The following CPA6 variants were observed in gnomAD, a reference collection of about 807,000 sequenced individuals.
CPA6 encodes carboxypeptidase A6.
Under a neutral mutation model 63.3 loss-of-function variants are expected in CPA6, and 58 were observed. That is an observed-to-expected ratio of 0.92 (90% confidence interval 0.74 to 1.14). The LOEUF (loss-of-function observed/expected upper bound fraction) is 1.14, where lower values mean the gene tolerates loss of function less well. Among genes scored for constraint, CPA6 ranks in the 50% most tolerant of loss-of-function variants. The probability of loss-of-function intolerance (pLI) is 0.00; values close to 1 mark genes in which losing one functional copy is unlikely to be tolerated. For missense variants in CPA6, 565 were observed against 526.6 expected, an observed-to-expected ratio of 1.07 and a Z score of -0.71; for synonymous variants, 185 against 179.0, an observed-to-expected ratio of 1.03 and a Z score of -0.27.
At chr8:67,523,280 G>A (rs1007383474) in intron 2 of CPA6, among the ~76,000 whole-genome samples, 7 of 152,192 alleles carry the variant, frequency 4.6e-5, no homozygotes. Flanking sequence ...CATAATCCCA[G>A]CACTTTGGGA....
intron 6 of CPA6, among the ~76,000 whole-genome samples, chr8:67,502,607 T>C (rs1198866707): frequency 6.6e-6 from 1 of 152,252 alleles, no homozygotes; most frequent in African/African-American, 2.4e-5. Flanking sequence ...TTCTAACATA[T>C]ACCTTTAGTG....
chr8:67,627,436 T>TTTTG lies in CPA6; in HGVS notation c.117-3189_117-3186dup, dbSNP rs201469732. On this transcript the variant is annotated intron_variant, in intron 1 of 10. Transcript: ENST00000297770. ...GCTTTTCCTTATAACTTATCAGGTT[T>TTTTG]TTTGTTTGTTTGTTTGTTTGTTTTT... Among the ~76,000 whole-genome samples, 150 of 152,248 alleles carry TTTTG rather than the reference T, an allele frequency of 9.9e-4. 4 individuals carry two copies. In the East Asian group the frequency reaches 0.023, roughly 24 times the overall value.
At chr8:67,433,191 C>A (rs142840471) in intron 9 of CPA6, among the ~76,000 whole-genome samples, 4 of 152,234 alleles carry the variant, frequency 2.6e-5, no homozygotes, top group Non-Finnish European at 5.9e-5. Flanking sequence ...ATGTAACCAC[C>A]ATCCAGGTCA....
chr8:67,506,639 T>G, intron 6 of CPA6, 148 bp downstream of exon 6: 2 of 609,118 alleles, frequency 3.3e-6, no homozygotes, highest in Non-Finnish European at 6.0e-6. Context: ...GAGAACTTCA[T>G]AAACATGAAA....
At chr8:67,523,732 A>C (rs1350661397) in intron 2 of CPA6, among the ~76,000 whole-genome samples, 2 of 152,206 alleles carry the variant, frequency 1.3e-5, no homozygotes, top group Non-Finnish European at 2.9e-5. Flanking sequence ...CCTATCTTTT[A>C]GCCCAGGGCT....
rs567786092 is a variant in CPA6 at position 67,519,986 on chromosome 8, C to G, written c.193-1939G>C. 1.0e-3 allele frequency among the ~76,000 whole-genome samples: 156 copies of G among 151,656 alleles called. 1 individual carries two copies. Among genetic ancestry groups the G allele is most frequent in the African/African-American group, 3.1e-3 (129 of 41,364 alleles). On this transcript the variant is annotated intron_variant, in intron 2 of 10. Coordinates refer to ENST00000297770, the MANE Select transcript of CPA6 (RefSeq NM_020361.5). ...CAGTGAGGAATAGCTGGTTTCTTGC[C>G]TTTATAAGAAAAAGCATGTTGGTAT... is the stretch of plus-strand genomic sequence containing the variant.
intron 1 of CPA6, among the ~76,000 whole-genome samples, chr8:67,656,001 T>C (rs1468638903): frequency 1.3e-5 from 2 of 152,164 alleles, no homozygotes; most frequent in Non-Finnish European, 1.5e-5. Context: ...CCAGGAGGCT[T>C]ATGGGCTTTA....
chr8:67,739,428 A>G (rs1817872418), intron 1 of CPA6, among the ~76,000 whole-genome samples: 1 of 152,216 alleles, frequency 6.6e-6, no homozygotes, highest in African/African-American at 2.4e-5. Flanking sequence ...GGCACTGGAG[A>G]ACTATTCCAT....
intron 6 of CPA6, among the ~76,000 whole-genome samples, chr8:67,492,558 A>G (rs1350379543): frequency 6.6e-6 from 1 of 151,698 alleles, no homozygotes; most frequent in Non-Finnish European, 1.5e-5. Context: ...TATTAGTTTT[A>G]CTACTTAAAA....
intron 1 of CPA6, among the ~76,000 whole-genome samples, chr8:67,647,720 G>A (rs922750892): frequency 6.6e-6 from 1 of 152,148 alleles, no homozygotes; most frequent in Middle Eastern, 3.2e-3. Flanking sequence ...CTTTCTCTGA[G>A]TTTTCAATAA....
intron 2 of CPA6, among the ~76,000 whole-genome samples, chr8:67,561,645 A>C (rs1813215443): frequency 6.6e-6 from 1 of 152,174 alleles, no homozygotes; most frequent in Non-Finnish European, 1.5e-5. Context: ...TGCTTTTACT[A>C]TAAAGGCCAT....
intron 1 of CPA6, among the ~76,000 whole-genome samples, chr8:67,698,292 A>G (rs531058790): frequency 6.6e-6 from 1 of 152,184 alleles, no homozygotes; most frequent in Admixed American, 6.5e-5. Flanking sequence ...ACCAGAAATG[A>G]TGATTTCATA....
chr8:67,514,257 C>G lies in CPA6; in HGVS notation c.318-2602G>C, dbSNP rs76631265. 2.8e-3 allele frequency among the ~76,000 whole-genome samples: 426 copies of G among 152,100 alleles called. 3 individuals are homozygous for G. Among genetic ancestry groups the G allele is most frequent in the African/African-American group, 9.5e-3 (396 of 41,502 alleles). ...ACAGGTGTGAGCCACCACGCCTGAT[C>G]AAAAAATAGAAATTTCATCACCAAC... On this transcript the variant is annotated intron_variant, in intron 3 of 10. Transcript: ENST00000297770.
chr8:67,533,937 C>A (rs1409069817), intron 2 of CPA6, among the ~76,000 whole-genome samples: 1 of 152,178 alleles, frequency 6.6e-6, no homozygotes, highest in Non-Finnish European at 1.5e-5. Context: ...GTAGGGCAAG[C>A]CACAGTAGGA....
At chr8:67,483,304 A>T (rs1359155481) in intron 8 of CPA6, 2 of 155,900 alleles carry the variant, frequency 1.3e-5, no homozygotes, top group Non-Finnish European at 2.8e-5. Context: ...GCAGAAATAC[A>T]TTCCCAATGT....
chr8:67,678,225 T>TCACACACACACACACACA (rs200034998), intron 1 of CPA6, among the ~76,000 whole-genome samples: 62 of 142,942 alleles, frequency 4.3e-4, no homozygotes, highest in African/African-American at 8.0e-4. Context: ...TAAAACTCTG[T>TCACACACACACACACACA]CTCACACACA....
intron 8 of CPA6, among the ~76,000 whole-genome samples, chr8:67,469,587 C>G (rs1811009302): frequency 6.6e-6 from 1 of 152,182 alleles, no homozygotes; most frequent in Non-Finnish European, 1.5e-5. Context: ...GCCTGGGTGA[C>G]AGAGTGAGAC....
At chr8:67,441,940 A>G (rs1273744012) in intron 8 of CPA6, among the ~76,000 whole-genome samples, 2 of 152,178 alleles carry the variant, frequency 1.3e-5, no homozygotes, top group African/African-American at 4.8e-5. Flanking sequence ...AAATTTTTTC[A>G]CAAGAATACA....
intron 8 of CPA6, among the ~76,000 whole-genome samples, chr8:67,448,850 C>T (rs1033633636): frequency 1.3e-5 from 2 of 151,818 alleles, no homozygotes; most frequent in African/African-American, 4.8e-5. Context: ...ATAATGTTAT[C>T]AATCATCCCT....
Sources: gnomAD v4.1 joint callset for allele counts (sites outside exome capture counted in the v4.1 genomes callset) on GRCh38, gnomAD v4.1.1 for gene constraint, MANE v1.5 for transcripts, NCBI Gene and HGNC (gene_info 2026-07-23, HGNC 2026-07-21) for gene names.